Variants in NEK11 observed in about 807,000 individuals in gnomAD.
NEK11 encodes the protein serine/threonine-protein kinase Nek11.
In NEK11, 72 loss-of-function variants were observed where a neutral mutation model predicts 80.7. The observed-to-expected ratio is 0.89, with a 90% confidence interval of 0.74 to 1.08. The LOEUF (loss-of-function observed/expected upper bound fraction) is 1.08, where lower values mean the gene tolerates loss of function less well. Among genes scored for constraint, NEK11 ranks in the 50% least tolerant of loss-of-function variants. The pLI, the probability that NEK11 is intolerant of heterozygous loss-of-function variation, is 0.00. For synonymous variants in NEK11, 251 were observed against 260.7 expected (o/e 0.96, Z 0.36); for missense variants, 764 against 763.6 (o/e 1.00, Z -0.01).
chr3:131,223,615 A>T (rs2095098243), intron 14 of NEK11, among the ~76,000 whole-genome samples: 5 of 152,248 alleles, frequency 3.3e-5, no homozygotes, highest in Admixed American at 3.3e-4. Context: ...GTCTGTTTTC[A>T]CACTACAAAG....
chr3:131,076,442 T>C (rs181131968), intron 3 of NEK11, among the ~76,000 whole-genome samples: 29 of 150,798 alleles, frequency 1.9e-4, no homozygotes, highest in Admixed American at 3.3e-4. Context: ...TCCTTGTAAA[T>C]TAGAAAAAAG....
intron 14 of NEK11, among the ~76,000 whole-genome samples, chr3:131,180,854 A>AATTC (rs1186354537): frequency 6.6e-6 from 1 of 152,212 alleles, no homozygotes; most frequent in African/African-American, 2.4e-5. Flanking sequence ...TGAATCTCTT[A>AATTC]ATTCAGTCTA....
At chr3:131,047,744 G>T (rs1217954861) in intron 3 of NEK11, among the ~76,000 whole-genome samples, 2 of 152,230 alleles carry the variant, frequency 1.3e-5, no homozygotes, top group Non-Finnish European at 2.9e-5. Flanking sequence ...CTAGTTTTGT[G>T]TTGGTTGGCC....
At chr3:131,269,388 C>T (rs2096131002) in intron 16 of NEK11, among the ~76,000 whole-genome samples, 1 of 152,204 alleles carries the variant, frequency 6.6e-6, no homozygotes, top group Non-Finnish European at 1.5e-5. Context: ...AACCCAGGGC[C>T]CTGGTGGCAT....
chr3:131,290,037 G>A (rs2096527519), intron 17 of NEK11, among the ~76,000 whole-genome samples: 2 of 152,234 alleles, frequency 1.3e-5, no homozygotes, highest in South Asian at 4.1e-4. Context: ...ACAACTGAGT[G>A]AGTTTTCCAG....
rs750041699 is a variant in NEK11, at chr3:131,080,482, A to G, written c.230A>G (p.Asn77Ser). The change falls in exon 4 of 18, where the codon AAT (asparagine) becomes AGT (serine). Residue 77 changes from asparagine to serine, a missense_variant. Physicochemically the swap from Asn to Ser is conservative, Grantham distance 46. Transcript: ENST00000383366. The part of the protein sequence containing the change: ...ELNPNETVQA[N>S]LEAQLLSKLD... ...AATCCAAATGAAACTGTACAGGCCA[A>G]TTTGGAAGCCCAACTCCTCTCCAAG... 8 of 1,614,068 alleles carry G rather than the reference A, an allele frequency of 5.0e-6. No homozygotes were observed. The highest frequency in any genetic ancestry group is 1.1e-5 in the South Asian group (1 of 91,052).
intron 14 of NEK11, among the ~76,000 whole-genome samples, chr3:131,179,658 G>T (rs74411219): frequency 0.013 from 2,000 of 152,000 alleles, 27 homozygotes; most frequent in East Asian, 0.072. Flanking sequence ...TATTCTTATT[G>T]GAAAATGAGT....
At chr3:131,337,416 G>C (rs1438780512) in intron 17 of NEK11, among the ~76,000 whole-genome samples, 1 of 151,308 alleles carries the variant, frequency 6.6e-6, no homozygotes, top group African/African-American at 2.4e-5. Flanking sequence ...ATTGAACAAT[G>C]AGAACACATG....
intron 15 of NEK11, among the ~76,000 whole-genome samples, chr3:131,236,092 T>C (rs932002727): frequency 2.0e-5 from 3 of 152,214 alleles, no homozygotes; most frequent in Non-Finnish European, 4.4e-5. Context: ...TGTATCACAA[T>C]GACTATCTTT....
chr3:131,234,668 C>T (rs2095398632), intron 15 of NEK11, among the ~76,000 whole-genome samples: 1 of 152,078 alleles, frequency 6.6e-6, no homozygotes, highest in Admixed American at 6.6e-5. Context: ...TGATTCTTCC[C>T]CCTTCTCTCT....
intron 14 of NEK11, among the ~76,000 whole-genome samples, chr3:131,180,423 A>G (rs2093281118): frequency 2.0e-5 from 3 of 152,238 alleles, no homozygotes; most frequent in Non-Finnish European, 2.9e-5. Context: ...ATTCTTTTAC[A>G]AAATAATATA....
chr3:131,162,430 A>G lies in NEK11; in HGVS notation c.985A>G (p.Thr329Ala), dbSNP rs1435408793. 2 of 1,614,030 alleles carry G rather than the reference A, an allele frequency of 1.2e-6. No homozygotes were observed. The highest frequency in any genetic ancestry group is 3.3e-5 in the Admixed American group (2 of 60,020). Residue 329 changes from threonine (T) to alanine (A), a missense_variant, in exon 11 of 18, where the codon ACT becomes GCT. Physicochemically the swap from Thr to Ala is moderately conservative, Grantham distance 58 (BLOSUM62 0). Coordinates refer to ENST00000383366, the MANE Select transcript of NEK11 (RefSeq NM_024800.5). ...TAGGCAAAAAAGGATCCACCTGCAG[A>G]CTCTGAGGGCACTGTCAGAAGTACA... Reference protein sequence around the residue: ...NAMQKRIHLQTLRALSEVQKM... With the variant: ...NAMQKRIHLQALRALSEVQKM...
chr3:131,051,255 G>A (rs868743603), intron 3 of NEK11, among the ~76,000 whole-genome samples: 10 of 152,152 alleles, frequency 6.6e-5, no homozygotes, highest in Non-Finnish European at 1.0e-4. Context: ...TTGGCTTTCC[G>A]TTGGACACTC....
intron 14 of NEK11, among the ~76,000 whole-genome samples, chr3:131,220,269 CTT>C (rs1235795523): frequency 3.9e-5 from 6 of 152,056 alleles, no homozygotes; most frequent in East Asian, 1.9e-4. Context: ...AAAAAAAAAT[CTT>C]ATGGTTTTGG....
At chr3:131,174,058 T>C (rs1483016430) in intron 14 of NEK11, among the ~76,000 whole-genome samples, 2 of 152,218 alleles carry the variant, frequency 1.3e-5, no homozygotes, top group Non-Finnish European at 2.9e-5. Context: ...ATGCTATTCT[T>C]TCTTAATATT....
Position 131,080,599 on chromosome 3 carries a change from C to T in NEK11, c.336+11C>T. 1 of 1,595,002 alleles carries T rather than the reference C, an allele frequency of 6.3e-7. No homozygotes were observed. Among genetic ancestry groups the T allele is most frequent in the Non-Finnish European group, 8.5e-7 (1 of 1,174,104 alleles). ...ACGGAGTACTGTGAGGTGAGACTCT[C>T]CTTTTCTCTTGGAAGTCTTTATAAA... On this transcript the variant is annotated intron_variant, in intron 4 of 17. Coordinates refer to ENST00000383366, the MANE Select transcript of NEK11 (RefSeq NM_024800.5).
rs543861130 is a variant in NEK11 at position 131,242,748 on chromosome 3, C to G, written c.1561-688C>G. The stretch of plus-strand genomic sequence containing the variant: ...TTCTTAATTTTCCTTAGTATAACCA[C>G]AAACCTGAAAATAATTAATACTTTT... On this transcript the variant is annotated intron_variant, in intron 15 of 17. Coordinates refer to ENST00000383366, the MANE Select transcript of NEK11 (RefSeq NM_024800.5). Among the ~76,000 whole-genome samples the G allele has an allele frequency of 3.3e-5, 5 of 152,118 alleles. 1 individual carries two copies. The South Asian group carries it at 1.0e-3, about 31-fold the overall frequency.
chr3:131,038,575 G>A (rs1306892520), intron 3 of NEK11, among the ~76,000 whole-genome samples: 1 of 151,884 alleles, frequency 6.6e-6, no homozygotes, highest in African/African-American at 2.4e-5. Context: ...TTAGGCAGGG[G>A]GCCAAAAAAG....
chr3:131,333,726 T>G (rs1353994038), intron 17 of NEK11, among the ~76,000 whole-genome samples: 2 of 152,228 alleles, frequency 1.3e-5, no homozygotes, highest in East Asian at 3.8e-4. Flanking sequence ...GAAACCCATC[T>G]CATGTGCTGA....
Sources: allele counts gnomAD v4.1 joint callset (sites outside exome capture counted in the v4.1 genomes callset), GRCh38; gene constraint gnomAD v4.1.1; transcripts MANE v1.5; gene names NCBI Gene and HGNC (gene_info 2026-07-23, HGNC 2026-07-21).